TTC39B: variants seen among roughly 807,000 people sequenced by gnomAD.
TTC39B encodes tetratricopeptide repeat protein 39B.
TTC39B carries 92 observed loss-of-function variants against 96.6 expected under a neutral mutation model. The observed-to-expected ratio is 0.95, with a 90% CI of 0.80 to 1.13. The LOEUF is 1.13. Among genes scored for constraint, TTC39B ranks in the 50% most tolerant of loss-of-function variants. TTC39B has a pLI of 0.00. For missense variants in TTC39B, 955 were observed against 809.3 expected, an observed-to-expected ratio of 1.18 and a Z score of -2.18; for synonymous variants, 367 against 299.4, an observed-to-expected ratio of 1.23 and a Z score of -2.33.
At chr9:15,198,461 A>AATATATATATATATATATATATAT (rs61517681) in intron 8 of TTC39B, among the ~76,000 whole-genome samples, 1 of 117,320 alleles carries the variant, frequency 8.5e-6, no homozygotes, top group African/African-American at 3.1e-5. Context: ...CGGTCGCAAA[A>AATATATATATATATATATATATAT]ATATATATAT....
intron 3 of TTC39B, among the ~76,000 whole-genome samples, chr9:15,218,635 A>AAAAAATATATATATATATAT (rs374054306): frequency 6.7e-6 from 1 of 149,448 alleles, no homozygotes; most frequent in African/African-American, 2.5e-5. Context: ...GTCTATTTTA[A>AAAAAATATATATATATATAT]ATATATATAT....
chr9:15,174,228 CTTAGT>C (rs1817808727), intron 19 of TTC39B, among the ~76,000 whole-genome samples: 1 of 148,240 alleles, frequency 6.7e-6, no homozygotes, highest in South Asian at 2.2e-4. Context: ...GTATTGCCTG[CTTAGT>C]TTATAGTTGT....
At chr9:15,221,761 C>CA (rs1175637154) in intron 3 of TTC39B, among the ~76,000 whole-genome samples, 4 of 152,154 alleles carry the variant, frequency 2.6e-5, no homozygotes, top group African/African-American at 9.7e-5. Flanking sequence ...AGCACTTAGT[C>CA]TACATAACCA....
At chr9:15,289,479 C>A (rs1453334670) in intron 1 of TTC39B, among the ~76,000 whole-genome samples, 1 of 152,188 alleles carries the variant, frequency 6.6e-6, no homozygotes, top group Non-Finnish European at 1.5e-5. Flanking sequence ...CATTAGAATC[C>A]CCATTTGCTT....
intron 2 of TTC39B, among the ~76,000 whole-genome samples, chr9:15,234,566 T>G (rs1181455388): frequency 2.6e-5 from 4 of 151,960 alleles, no homozygotes; most frequent in Non-Finnish European, 5.9e-5. Flanking sequence ...ATGATGACAA[T>G]GGCGGTTTTG....
chr9:15,235,207 A>AT (rs1821722664), intron 2 of TTC39B, among the ~76,000 whole-genome samples: 1 of 152,062 alleles, frequency 6.6e-6, no homozygotes, highest in African/African-American at 2.4e-5. Flanking sequence ...CCAACTAATA[A>AT]TTTTTTAAAA....
chr9:15,218,390 C>A (rs188103014), intron 3 of TTC39B, among the ~76,000 whole-genome samples: 1 of 152,136 alleles, frequency 6.6e-6, no homozygotes, highest in East Asian at 1.9e-4. Context: ...ACAATGTCTG[C>A]AGAAGCAAAG....
intron 8 of TTC39B, among the ~76,000 whole-genome samples, chr9:15,196,915 A>G (rs562411557): frequency 4.2e-4 from 64 of 152,286 alleles, no homozygotes; most frequent in African/African-American, 1.5e-3. Context: ...AGCCACCCCA[A>G]CCTTCAGCAA....
rs1354547290 is a variant in TTC39B, at chr9:15,185,392, A to T, written c.1502T>A (p.Leu501Ter). 6 of 1,613,792 alleles carry T rather than the reference A, an allele frequency of 3.7e-6. No homozygotes were observed. In the East Asian group the frequency reaches 1.3e-4, roughly 36 times the overall value. ...AGATTTCCCGGCAATTCTCTGCTTC[A>T]AGCTGTCCACCTGTCTGTGAAGAAC... is the stretch of plus-strand genomic sequence containing the variant. The change falls in exon 16 of 20, where the codon TTG becomes TAG. Residue 501 changes from leucine to a stop codon, truncating the protein, a stop_gained. Coordinates refer to ENST00000512701, the Ensembl canonical transcript of TTC39B. LOFTEE classifies it high-confidence loss of function.
chr9:15,218,885 T>C (rs1461489920), intron 3 of TTC39B, among the ~76,000 whole-genome samples: 1 of 152,154 alleles, frequency 6.6e-6, no homozygotes, highest in African/African-American at 2.4e-5. Flanking sequence ...CCTAGAGAAC[T>C]AGGCTGCAGC....
At chr9:15,231,675 C>G (rs949492708) in intron 2 of TTC39B, among the ~76,000 whole-genome samples, 4 of 152,078 alleles carry the variant, frequency 2.6e-5, no homozygotes, top group Admixed American at 2.0e-4. Context: ...GATAGCAGAG[C>G]CAATTCAAAT....
rs553538457 is a variant in TTC39B at position 15,243,877 on chromosome 9, C to T, written c.276-17865G>A. 2.3e-3 allele frequency among the ~76,000 whole-genome samples: 351 copies of T among 152,250 alleles called. 7 individuals carry two copies. The highest frequency in any genetic ancestry group is 0.023 in the Admixed American group (345 of 15,294). ...CAGCACTGTGAAGTGCACAGGCTGT[C>T]GCCCAGGCTGGAGTCTCTAAAAACA... On this transcript the variant is annotated intron_variant, in intron 2 of 19. Coordinates refer to ENST00000512701, the Ensembl canonical transcript of TTC39B.
Position 15,203,833 on chromosome 9 carries a change from G to C in TTC39B, c.749C>G (p.Thr250Arg), listed in dbSNP as rs150014250. ...CCAAATATTCATTACCTGCACAAAC[G>C]TGAGTGCAGCTTTCTGTAGGAGACA... is the stretch of plus-strand genomic sequence containing the variant. The change falls in exon 7 of 20, where the codon ACG (threonine) becomes AGG (arginine). Residue 250 changes from threonine (T) to arginine (R), a missense_variant. Physicochemically the swap from Thr to Arg is moderately conservative, Grantham distance 71. Transcript: ENST00000512701. 1.2e-5 allele frequency: 19 copies of C among 1,612,376 alleles called. 1 individual carries two copies. The highest frequency in any genetic ancestry group is 6.7e-5 in the Admixed American group (4 of 59,860).
exon 20 of TTC39B, chr9:15,170,929 T>C (rs1398926722): frequency 3.9e-5 from 6 of 152,210 alleles, no homozygotes; most frequent in African/African-American, 1.4e-4. Context: ...AAAAAGACCT[T>C]GAAAGTCATC....
At chr9:15,233,947 TGAG>T (rs1333851874) in intron 2 of TTC39B, among the ~76,000 whole-genome samples, 10 of 150,588 alleles carry the variant, frequency 6.6e-5, no homozygotes, top group Non-Finnish European at 1.3e-4. Flanking sequence ...ATCTAGGAAG[TGAG>T]GAGCGTCTCT....
chr9:15,232,661 A>C (rs571286918), intron 2 of TTC39B, among the ~76,000 whole-genome samples: 1 of 152,342 alleles, frequency 6.6e-6, no homozygotes, highest in Non-Finnish European at 1.5e-5. Context: ...GGAAGAGACT[A>C]ATATCCTTTA....
At chr9:15,249,277 T>A (rs1448012947) in intron 2 of TTC39B, 1 of 152,150 alleles carries the variant, frequency 6.6e-6, no homozygotes, top group Non-Finnish European at 1.5e-5. Context: ...TACCCAGCAT[T>A]GATTCTGATG....
At chr9:15,251,422 CGTG>C (rs1563764030) in intron 2 of TTC39B, among the ~76,000 whole-genome samples, 1 of 148,486 alleles carries the variant, frequency 6.7e-6, no homozygotes, top group East Asian at 2.1e-4. Context: ...ATTAGCCAGG[CGTG>C]GTGGCGCATG....
At chr9:15,285,196 G>T (rs1190035433) in intron 1 of TTC39B, among the ~76,000 whole-genome samples, 1 of 151,704 alleles carries the variant, frequency 6.6e-6, no homozygotes, top group African/African-American at 2.4e-5. Flanking sequence ...GTGAACCCGG[G>T]AGGCGGAGTT....
Sources: gnomAD v4.1 joint callset for allele counts (sites outside exome capture counted in the v4.1 genomes callset) on GRCh38, gnomAD v4.1.1 for gene constraint, MANE v1.5 for transcripts, NCBI Gene and HGNC (gene_info 2026-07-23, HGNC 2026-07-21) for gene names.